The following CCSER1 variants were observed in gnomAD, a reference collection of about 807,000 sequenced individuals.
CCSER1 encodes serine-rich coiled-coil domain-containing protein 1.
A neutral mutation model predicts 82.0 loss-of-function variants in CCSER1; 41 were observed. The ratio of observed to expected loss-of-function variants is 0.50; its 90% confidence interval spans 0.39 to 0.65. The LOEUF (loss-of-function observed/expected upper bound fraction) is 0.65. CCSER1 is among the 30% of genes least tolerant of loss of function. CCSER1 has a pLI of 0.00. For missense variants in CCSER1, 1,119 were observed against 1,064.2 expected, an observed-to-expected ratio of 1.05 and a Z score of -0.72; for synonymous variants, 414 against 383.9, an observed-to-expected ratio of 1.08 and a Z score of -0.92.
At chr4:91,323,014 G>C (rs926762424) in intron 10 of CCSER1, among the ~76,000 whole-genome samples, 2 of 152,148 alleles carry the variant, frequency 1.3e-5, no homozygotes, top group Admixed American at 6.6e-5. Flanking sequence ...TCTGCTGAGA[G>C]AGGAAAGCCC....
At chr4:90,716,089 A>G (rs1201389584) in intron 6 of CCSER1, among the ~76,000 whole-genome samples, 1 of 151,308 alleles carries the variant, frequency 6.6e-6, no homozygotes, top group African/African-American at 2.4e-5. Flanking sequence ...TATAAAAATA[A>G]ATAACTGTAT....
intron 7 of CCSER1, among the ~76,000 whole-genome samples, chr4:90,758,856 CAG>C (rs1426731520): frequency 2.0e-5 from 3 of 152,096 alleles, no homozygotes; most frequent in African/African-American, 7.2e-5. Flanking sequence ...AGCAAACTGA[CAG>C]AAGTTTGTAT....
chr4:91,403,795 G>T (rs1198347539), intron 10 of CCSER1, among the ~76,000 whole-genome samples: 1 of 152,118 alleles, frequency 6.6e-6, no homozygotes, highest in Admixed American at 6.6e-5. Flanking sequence ...GATTCAGTTT[G>T]CCAGTATTTT....
At chr4:91,319,864 G>A (rs941573861) in intron 10 of CCSER1, 14 of 362,162 alleles carry the variant, frequency 3.9e-5, no homozygotes, top group African/African-American at 1.7e-4. Context: ...ACTATCCACC[G>A]TTTCACTTAC....
At chr4:90,407,494 A>G (rs1451877060) in intron 4 of CCSER1, among the ~76,000 whole-genome samples, 1 of 152,212 alleles carries the variant, frequency 6.6e-6, no homozygotes, top group Non-Finnish European at 1.5e-5. Flanking sequence ...TCCTCCTTAA[A>G]TCATTCTATG....
At chr4:90,579,258 T>G (rs1781144060) in intron 5 of CCSER1, among the ~76,000 whole-genome samples, 1 of 152,150 alleles carries the variant, frequency 6.6e-6, no homozygotes, top group Non-Finnish European at 1.5e-5. Context: ...TTTGATTGTG[T>G]ATAATGCAGG....
chr4:91,298,866 C>G (rs1283236601), intron 10 of CCSER1, among the ~76,000 whole-genome samples: 4 of 151,884 alleles, frequency 2.6e-5, no homozygotes, highest in African/African-American at 4.8e-5. Flanking sequence ...CTACATAGTT[C>G]CCAAAACCCA....
At chr4:91,378,811 G>T (rs918393983) in intron 10 of CCSER1, among the ~76,000 whole-genome samples, 2 of 152,112 alleles carry the variant, frequency 1.3e-5, no homozygotes, top group African/African-American at 2.4e-5. Context: ...GTAAGAGAGG[G>T]CATCCCTGTT....
chr4:90,261,554 G>A (rs1724336448), intron 1 of CCSER1, among the ~76,000 whole-genome samples: 1 of 152,116 alleles, frequency 6.6e-6, no homozygotes, highest in Admixed American at 6.5e-5. Flanking sequence ...GTTGACTTTA[G>A]ATAGCCTGAT....
chr4:90,310,004 A>G (rs1048778174), intron 2 of CCSER1, among the ~76,000 whole-genome samples: 4 of 152,140 alleles, frequency 2.6e-5, no homozygotes, highest in Admixed American at 6.6e-5. Flanking sequence ...TTATTTAATG[A>G]AATGGATATA....
intron 9 of CCSER1, among the ~76,000 whole-genome samples, chr4:90,924,655 CA>C: frequency 6.6e-6 from 1 of 152,202 alleles, no homozygotes; most frequent in Non-Finnish European, 1.5e-5. Context: ...GTATTTACCA[CA>C]AGTAGTTCAA....
chr4:90,218,657 G>A (rs974767836), intron 1 of CCSER1, among the ~76,000 whole-genome samples: 1 of 151,986 alleles, frequency 6.6e-6, no homozygotes, highest in African/African-American at 2.4e-5. Context: ...ACTCTTCATG[G>A]GCTGGAAGTG....
At chr4:91,243,094 T>G (rs1739495799) in intron 10 of CCSER1, among the ~76,000 whole-genome samples, 1 of 152,114 alleles carries the variant, frequency 6.6e-6, no homozygotes, top group Non-Finnish European at 1.5e-5. Flanking sequence ...CTGTGTACTT[T>G]GGAGAGGGAG....
intron 1 of CCSER1, among the ~76,000 whole-genome samples, chr4:90,162,487 A>C (rs936379703): frequency 2.0e-5 from 3 of 152,106 alleles, no homozygotes; most frequent in Admixed American, 1.3e-4. Flanking sequence ...CTGTATGTAA[A>C]AGTTAACGTA....
intron 9 of CCSER1, among the ~76,000 whole-genome samples, chr4:90,978,562 TGTCCTC>T (rs1735816007): frequency 6.6e-6 from 1 of 150,838 alleles, no homozygotes; most frequent in African/African-American, 2.5e-5. Flanking sequence ...ATGTGTTGAA[TGTCCTC>T]ACATAGCTTC....
In CCSER1 at chr4:90,167,146, TA is replaced by T. The variant is rs542140932; in HGVS notation, c.-42+39320del. ...TTCCACATTTCTATGTTAAAGTACT[TA>T]AAAACTCAAACTCAAGAAGTTACAA... On this transcript the variant is annotated intron_variant, in intron 1 of 10. Transcript: ENST00000509176. 1.9e-3 allele frequency among the ~76,000 whole-genome samples: 284 copies of T among 152,148 alleles called. 1 individual carries two copies. Among genetic ancestry groups the T allele is most frequent in the Non-Finnish European group, 3.2e-3 (215 of 67,952 alleles).
In CCSER1 at chr4:90,962,142, A is replaced by G. The variant is rs984546548; in HGVS notation, c.2172+38695A>G. Reference sequence around the variant, plus strand: ...AACTTGTCTATGATAATACATGTTAATAGTGGATCCAAGAATAAGACTCAG... The same window carrying G: ...AACTTGTCTATGATAATACATGTTAGTAGTGGATCCAAGAATAAGACTCAG... On this transcript the variant is annotated intron_variant, in intron 9 of 10. Transcript: ENST00000509176. Among the ~76,000 whole-genome samples, 3 of 152,110 alleles carry G rather than the reference A, an allele frequency of 2.0e-5. 1 individual carries two copies. The highest frequency in any genetic ancestry group is 2.0e-4 in the Admixed American group (3 of 15,260).
intron 2 of CCSER1, among the ~76,000 whole-genome samples, chr4:90,310,784 G>A (rs915664654): frequency 2.6e-5 from 4 of 151,988 alleles, no homozygotes; most frequent in African/African-American, 9.7e-5. Flanking sequence ...TAAAATTTAT[G>A]TGACATAATG....
chr4:90,183,286 C>A (rs1734021181), intron 1 of CCSER1, among the ~76,000 whole-genome samples: 1 of 152,156 alleles, frequency 6.6e-6, no homozygotes, highest in Admixed American at 6.6e-5. Flanking sequence ...AACACACACA[C>A]ACACAACCCT....
Sources: gnomAD v4.1 joint callset for allele counts (sites outside exome capture counted in the v4.1 genomes callset) on GRCh38, gnomAD v4.1.1 for gene constraint, MANE v1.5 for transcripts, NCBI Gene and HGNC (gene_info 2026-07-23, HGNC 2026-07-21) for gene names.